Variants in CATSPERT observed in about 807,000 individuals in gnomAD.
The protein encoded by CATSPERT is catsper channel auxiliary subunit tau.
the CATSPERT span, among the ~76,000 whole-genome samples, chr2:201,508,262 T>C: frequency 6.6e-6 from 1 of 152,150 alleles, no homozygotes; most frequent in Non-Finnish European, 1.5e-5. Flanking sequence ...CAATATGACA[T>C]AGTCAAAGGG....
the CATSPERT span, among the ~76,000 whole-genome samples, chr2:201,596,143 C>T: frequency 6.6e-6 from 1 of 152,110 alleles, no homozygotes; most frequent in African/African-American, 2.4e-5. Context: ...CATTGCAGCA[C>T]CATTCACAAG....
chr2:201,536,459 A>T, the CATSPERT span: 1 of 1,114,758 alleles, frequency 9.0e-7, no homozygotes, highest in Non-Finnish European at 1.2e-6. Flanking sequence ...TGTAAATTTT[A>T]ATTCCTTAGT....
chr2:201,490,291 T>A, the CATSPERT span, among the ~76,000 whole-genome samples: 1 of 152,210 alleles, frequency 6.6e-6, no homozygotes, highest in African/African-American at 2.4e-5. Context: ...GGATTGTAAA[T>A]TTTGCATATC....
chr2:201,618,799 A>T, the CATSPERT span: 3 of 913,928 alleles, frequency 3.3e-6, no homozygotes, highest in Non-Finnish European at 4.9e-6. Flanking sequence ...TTGAAGGGAG[A>T]TGCAATTGGC....
At chr2:201,507,026 T>C in the CATSPERT span, among the ~76,000 whole-genome samples, 5 of 152,362 alleles carry the variant, frequency 3.3e-5, no homozygotes, top group East Asian at 9.6e-4. Context: ...TACTGCTTAA[T>C]AGTTTAGCCA....
chr2:201,544,517 CT>C, the CATSPERT span, among the ~76,000 whole-genome samples: 8 of 149,298 alleles, frequency 5.4e-5, no homozygotes, highest in African/African-American at 2.0e-4. Flanking sequence ...ATTTCCTCTC[CT>C]TCTTCCTCTG....
chr2:201,515,172 A>AAGGAATTG, the CATSPERT span, among the ~76,000 whole-genome samples: 1 of 134,796 alleles, frequency 7.4e-6, no homozygotes, highest in South Asian at 2.5e-4. Context: ...TTGATTGCCA[A>AAGGAATTG]AGGAATTGAG....
At chr2:201,566,160 C>G in the CATSPERT span, among the ~76,000 whole-genome samples, 8,356 of 151,910 alleles carry the variant, frequency 0.055, 280 homozygotes, top group African/African-American at 0.08. Context: ...GCCCAGACCT[C>G]TCTCCAAATC....
At chr2:201,551,545 T>C in the CATSPERT span, among the ~76,000 whole-genome samples, 1 of 152,234 alleles carries the variant, frequency 6.6e-6, no homozygotes, top group Non-Finnish European at 1.5e-5. Context: ...CTGTAGTTCA[T>C]ACTGTACTAC....
the CATSPERT span, among the ~76,000 whole-genome samples, chr2:201,600,613 C>T: frequency 6.6e-6 from 1 of 152,012 alleles, no homozygotes; most frequent in African/African-American, 2.4e-5. Context: ...GTCTTCACTA[C>T]TCAACACTTA....
chr2:201,550,912 C>T, the CATSPERT span: 6 of 152,260 alleles, frequency 3.9e-5, no homozygotes, highest in Non-Finnish European at 1.5e-5. Flanking sequence ...CAAGGAAAAC[C>T]CATTCCACTT....
At chr2:201,506,215 C>T in the CATSPERT span, among the ~76,000 whole-genome samples, 234 of 152,144 alleles carry the variant, frequency 1.5e-3, 2 homozygotes, top group East Asian at 0.041. Context: ...TGCAGTGAGC[C>T]GAGATTGCGC....
At chr2:201,522,136 CAT>C in the CATSPERT span, among the ~76,000 whole-genome samples, 1 of 152,136 alleles carries the variant, frequency 6.6e-6, no homozygotes, top group Non-Finnish European at 1.5e-5. Flanking sequence ...TTTTATTCAA[CAT>C]AGTACTGGAA....
At chr2:201,511,978 T>C in the CATSPERT span, among the ~76,000 whole-genome samples, 2 of 152,114 alleles carry the variant, frequency 1.3e-5, no homozygotes, top group African/African-American at 4.8e-5. Context: ...CAGAAATTTG[T>C]TCTAGAACTC....
At chr2:201,500,605 C>T in the CATSPERT span, among the ~76,000 whole-genome samples, 1 of 152,086 alleles carries the variant, frequency 6.6e-6, no homozygotes, top group East Asian at 1.9e-4. Flanking sequence ...TTCTTTCTTC[C>T]TGCCTGGAAT....
chr2:201,573,450 G>A, the CATSPERT span, among the ~76,000 whole-genome samples: 1 of 152,174 alleles, frequency 6.6e-6, no homozygotes, highest in Non-Finnish European at 1.5e-5. Flanking sequence ...TCTCAGGGCA[G>A]GATCTCACTA....
At chr2:201,601,734 A>G in the CATSPERT span, 31 of 1,609,060 alleles carry the variant, frequency 1.9e-5, no homozygotes, top group South Asian at 3.2e-4. Flanking sequence ...AGATATTAAC[A>G]TTACCTGTAC....
the CATSPERT span, among the ~76,000 whole-genome samples, chr2:201,558,590 C>T: frequency 1.3e-5 from 2 of 152,218 alleles, 1 homozygote; most frequent in South Asian, 4.1e-4. Flanking sequence ...CCACCAGCCC[C>T]CATTGCCACC....
At chr2:201,603,361 A>T in the CATSPERT span, 1 of 1,190,086 alleles carries the variant, frequency 8.4e-7, no homozygotes, top group Non-Finnish European at 1.2e-6. Flanking sequence ...TCTATTTTTA[A>T]AAAGTAAAAC....
Sources: gnomAD v4.1 joint callset for allele counts (sites outside exome capture counted in the v4.1 genomes callset) on GRCh38, gnomAD v4.1.1 for gene constraint, MANE v1.5 for transcripts, NCBI Gene and HGNC (gene_info 2026-07-23, HGNC 2026-07-21) for gene names.